KIF25: variants seen among roughly 807,000 people sequenced by gnomAD.
KIF25 encodes the protein kinesin family member 25.
In KIF25, 19 loss-of-function variants were observed where a neutral mutation model predicts 32.9. The observed-to-expected ratio is 0.58, with a 90% confidence interval of 0.40 to 0.85. KIF25 has a LOEUF of 0.85. Ranked by LOEUF, KIF25 falls within the 40% of genes least tolerant of loss-of-function variation. The pLI is 0.00. For missense variants in KIF25, 485 were observed against 507.0 expected, an observed-to-expected ratio of 0.96 and a Z score of 0.42; for synonymous variants, 225 against 213.7, an observed-to-expected ratio of 1.05 and a Z score of -0.46.
chr6:168,033,343 T>C (rs1361902287), intron 7 of KIF25, among the ~76,000 whole-genome samples: 1 of 151,910 alleles, frequency 6.6e-6, no homozygotes. Flanking sequence ...CTACTAAAAA[T>C]ACAAAAATTA....
At position 168,038,658 on chromosome 6, in the gene KIF25, A is replaced by C. The variant is rs1799066797; in HGVS notation, c.423A>C (p.Ala141=). The C allele has an allele frequency of 6.2e-7, 1 of 1,614,216 alleles. No individual in the cohort carries two copies. Among genetic ancestry groups the C allele is most frequent in the Non-Finnish European group, 8.5e-7 (1 of 1,180,036 alleles). The change falls in exon 9 of 13, where the codon GCA becomes GCC. Residue 141 remains alanine (A), a synonymous_variant. Coordinates refer to ENST00000643607, the MANE Select transcript of KIF25 (RefSeq NM_030615.4). ...FDLLAKDSIA[A]VSGVKREVVT... ...TTCTGGCCAAAGACAGCATTGCAGC[A>C]GTGTCGGGGGTCAAGCGTGAGGTGG...
At chr6:168,020,970 C>T (rs1226224498) in intron 5 of KIF25, among the ~76,000 whole-genome samples, 4 of 151,910 alleles carry the variant, frequency 2.6e-5, no homozygotes, top group African/African-American at 4.8e-5. Context: ...TTTGTAGAAA[C>T]GAAAAAGCTG....
chr6:168,013,770 T>A (rs1798679541), intron 4 of KIF25, among the ~76,000 whole-genome samples: 1 of 151,952 alleles, frequency 6.6e-6, no homozygotes, highest in Non-Finnish European at 1.5e-5. Flanking sequence ...GCAGGGGAGA[T>A]GGGGCTGCAG....
intron 4 of KIF25, among the ~76,000 whole-genome samples, chr6:168,006,883 C>G (rs1285943136): frequency 6.6e-6 from 1 of 152,142 alleles, no homozygotes; most frequent in Non-Finnish European, 1.5e-5. Flanking sequence ...TAGCCTTATA[C>G]TTTTTAAAAA....
intron 7 of KIF25, among the ~76,000 whole-genome samples, chr6:168,032,387 T>C (rs1459417837): frequency 3.9e-5 from 6 of 152,250 alleles, no homozygotes; most frequent in African/African-American, 1.4e-4. Flanking sequence ...AAAGATATTC[T>C]CCACACAAAG....
intron 4 of KIF25, among the ~76,000 whole-genome samples, chr6:168,016,401 G>C (rs551769471): frequency 4.0e-4 from 61 of 152,244 alleles, no homozygotes; most frequent in Non-Finnish European, 6.9e-4. Flanking sequence ...ACATCCTGGT[G>C]GTCGTTTCTG....
chr6:168,002,231 A>C, intron 2 of KIF25, among the ~76,000 whole-genome samples: 2 of 103,758 alleles, frequency 1.9e-5, no homozygotes, highest in Middle Eastern at 4.8e-3. Context: ...AGCCTCGGGC[A>C]GGTGAGAAAG....
chr6:168,003,502 G>A (rs1798534183), intron 3 of KIF25, 112 bp from the exon 4 acceptor site: 1 of 152,232 alleles, frequency 6.6e-6, no homozygotes, highest in Non-Finnish European at 1.5e-5. Flanking sequence ...GACCAGGACA[G>A]AGACAGAGAT....
At chr6:168,015,168 A>G (rs1373910808) in intron 4 of KIF25, among the ~76,000 whole-genome samples, 1 of 152,182 alleles carries the variant, frequency 6.6e-6, no homozygotes, top group Non-Finnish European at 1.5e-5. Context: ...CACAGCAGGC[A>G]GCCTTGGCTT....
chr6:168,035,319 G>A (rs1161062465), intron 8 of KIF25, among the ~76,000 whole-genome samples: 1 of 151,204 alleles, frequency 6.6e-6, no homozygotes, highest in Admixed American at 6.6e-5. Flanking sequence ...GATGCACGAT[G>A]CACAGCCAGT....
intron 4 of KIF25, among the ~76,000 whole-genome samples, chr6:168,013,389 C>T (rs748953126): frequency 2.6e-5 from 4 of 151,972 alleles, no homozygotes; most frequent in Non-Finnish European, 4.4e-5. Context: ...GGGGTTGTGA[C>T]GTTCAGCCAC....
chr6:168,001,061 C>T (rs778297166), intron 2 of KIF25, among the ~76,000 whole-genome samples: 3 of 152,354 alleles, frequency 2.0e-5, no homozygotes, highest in Admixed American at 1.3e-4. Flanking sequence ...CTAGTACTTT[C>T]TGCACTTTTT....
intron 4 of KIF25, among the ~76,000 whole-genome samples, chr6:168,006,202 C>A (rs1186569342): frequency 6.6e-6 from 1 of 151,048 alleles, no homozygotes; most frequent in Admixed American, 6.6e-5. Flanking sequence ...TGATTGTATT[C>A]TATTTCTTTT....
chr6:168,038,709 G>C lies in KIF25; in HGVS notation c.474G>C (p.Glu158Asp), dbSNP rs1799068606. 6.2e-7 allele frequency: 1 copy of C among 1,613,822 alleles called. No individual in the cohort carries two copies. ...TGACAGCCAAGGATGGACGGACAGA[G>C]GTTGCGCTGCTGGCCTCTGAGTGAG... ...EVVTAKDGRT[E>D]VALLASEAVG... The change falls in exon 9 of 13, where the codon GAG becomes GAC. Residue 158 changes from glutamate to aspartate, a missense_variant. Physicochemically the swap from Glu to Asp is conservative, Grantham distance 45 (BLOSUM62 2). Coordinates refer to ENST00000643607, the MANE Select transcript of KIF25 (RefSeq NM_030615.4).
chr6:168,045,001 A>C lies in KIF25; in HGVS notation c.*5A>C, dbSNP rs368129579. Reference sequence around the variant, plus strand: ...GGGAAGAGGAGGCCGGATTGAATGCATTAACAAGTTTTTCTCCTAAAACTG... The same window carrying C: ...GGGAAGAGGAGGCCGGATTGAATGCCTTAACAAGTTTTTCTCCTAAAACTG... On this transcript the variant is annotated 3_prime_UTR_variant, in exon 13 of 13. Transcript: ENST00000643607. 22 of 1,580,134 alleles carry C rather than the reference A, an allele frequency of 1.4e-5. No homozygotes were observed. The African/African-American group carries it at 2.7e-4, about 20-fold the overall frequency.
At chr6:168,037,643 A>C (rs1799042988) in intron 8 of KIF25, among the ~76,000 whole-genome samples, 1 of 117,910 alleles carries the variant, frequency 8.5e-6, no homozygotes. Context: ...TTAAGGTTTT[A>C]TTTCTCTCTC....
At chr6:168,033,369 G>A (rs1376695152) in intron 7 of KIF25, among the ~76,000 whole-genome samples, 1 of 152,044 alleles carries the variant, frequency 6.6e-6, no homozygotes, top group African/African-American at 2.4e-5. Context: ...GCGTGCTGAT[G>A]CATGCCTGTG....
At chr6:168,009,675 C>T (rs1448552736) in intron 4 of KIF25, among the ~76,000 whole-genome samples, 3 of 151,952 alleles carry the variant, frequency 2.0e-5, no homozygotes, top group Non-Finnish European at 4.4e-5. Context: ...AAGGTTTGGT[C>T]GAATTTAGTA....
chr6:168,034,743 G>C (rs1043783325), intron 8 of KIF25, among the ~76,000 whole-genome samples: 10 of 152,128 alleles, frequency 6.6e-5, no homozygotes, highest in African/African-American at 2.4e-4. Flanking sequence ...CTCTTCAGGG[G>C]TCCAGCCAAC....
Sources: allele counts gnomAD v4.1 joint callset (sites outside exome capture counted in the v4.1 genomes callset), GRCh38; gene constraint gnomAD v4.1.1; transcripts MANE v1.5; gene names NCBI Gene and HGNC (gene_info 2026-07-23, HGNC 2026-07-21).